The following TMTC1 variants were observed in gnomAD, a reference collection of about 807,000 sequenced individuals.
TMTC1 encodes the protein transmembrane O-mannosyltransferase targeting cadherins 1.
In TMTC1, 73 loss-of-function variants were observed where a neutral mutation model predicts 104.8. That is an observed-to-expected ratio of 0.70 (90% CI 0.58 to 0.85). The LOEUF is 0.85. Among genes scored for constraint, TMTC1 ranks in the 40% least tolerant of loss-of-function variants. The pLI, the probability that TMTC1 is intolerant of heterozygous loss-of-function variation, is 0.00. For synonymous variants in TMTC1, 434 were observed against 428.7 expected (o/e 1.01, Z -0.15); for missense variants, 1,035 against 1,096.1 (o/e 0.94, Z 0.79).
chr12:29,638,667 C>A (rs1243359107), intron 5 of TMTC1, among the ~76,000 whole-genome samples: 1 of 152,170 alleles, frequency 6.6e-6, no homozygotes. Flanking sequence ...AACACTCAAC[C>A]CTAGATGCTG....
At chr12:29,619,867 C>T (rs1191587441) in intron 6 of TMTC1, among the ~76,000 whole-genome samples, 1 of 152,164 alleles carries the variant, frequency 6.6e-6, no homozygotes, top group Non-Finnish European at 1.5e-5. Flanking sequence ...AAAACCTGCA[C>T]TTAAAAGTGT....
In TMTC1 at chr12:29,751,763, G is replaced by A; in HGVS notation, c.841C>T (p.His281Tyr). 6.2e-7 allele frequency: 1 copy of A among 1,614,124 alleles called. No individual in the cohort carries two copies. Among genetic ancestry groups the A allele is most frequent in the Non-Finnish European group, 8.5e-7 (1 of 1,180,030 alleles). The change falls in exon 5 of 18, where the codon CAC becomes TAC. Residue 281 changes from histidine to tyrosine, a missense_variant. By Grantham distance (83) the His-to-Tyr change is moderately conservative. Coordinates refer to ENST00000539277, the MANE Select transcript of TMTC1 (RefSeq NM_001193451.2). Reference protein sequence around the residue: ...RENGKQQRFPHKGAWGGCHSP... With the variant: ...RENGKQQRFPYKGAWGGCHSP... ...TGGCAGCCACCCCAAGCTCCTTTGT[G>A]AGGGAACCGCTGCTGCTTCCCATTC...
intron 10 of TMTC1, among the ~76,000 whole-genome samples, chr12:29,548,688 T>A (rs1338371691): frequency 6.6e-6 from 1 of 151,496 alleles, no homozygotes; most frequent in East Asian, 1.9e-4. Flanking sequence ...CAGTCTCAGG[T>A]ATGTCTTTAT....
At chr12:29,515,665 G>A (rs533163525) in intron 15 of TMTC1, among the ~76,000 whole-genome samples, 1 of 152,118 alleles carries the variant, frequency 6.6e-6, no homozygotes, top group African/African-American at 2.4e-5. Context: ...TGATATTCCT[G>A]GGCACAGCTA....
intron 11 of TMTC1, among the ~76,000 whole-genome samples, chr12:29,531,026 C>T (rs1200567094): frequency 2.0e-5 from 3 of 152,150 alleles, no homozygotes; most frequent in East Asian, 1.9e-4. Context: ...CTGGTGCTTT[C>T]CCTTTGCACA....
At chr12:29,530,128 G>A (rs987485198) in intron 11 of TMTC1, among the ~76,000 whole-genome samples, 2 of 152,010 alleles carry the variant, frequency 1.3e-5, no homozygotes, top group Non-Finnish European at 2.9e-5. Context: ...CTTTCTACTT[G>A]AGAAATAGAA....
At chr12:29,778,436 G>A (rs995624290) in intron 1 of TMTC1, among the ~76,000 whole-genome samples, 1 of 152,052 alleles carries the variant, frequency 6.6e-6, no homozygotes, top group East Asian at 1.9e-4. Context: ...TTCAAGGGAG[G>A]GGTTATGGAC....
intron 5 of TMTC1, among the ~76,000 whole-genome samples, chr12:29,710,202 C>T (rs376263294): frequency 6.6e-6 from 1 of 152,146 alleles, no homozygotes; most frequent in Non-Finnish European, 1.5e-5. Context: ...AACTGGCTTT[C>T]AGACTGAGCT....
chr12:29,520,307 T>G (rs1488659622), intron 12 of TMTC1, among the ~76,000 whole-genome samples: 2 of 152,182 alleles, frequency 1.3e-5, no homozygotes, highest in African/African-American at 4.8e-5. Flanking sequence ...AGAGAAACAT[T>G]TCATCATCAT....
At chr12:29,625,447 T>G (rs532189447) in intron 6 of TMTC1, among the ~76,000 whole-genome samples, 1 of 152,296 alleles carries the variant, frequency 6.6e-6, no homozygotes, top group East Asian at 1.9e-4. Flanking sequence ...AAGCTCTGTC[T>G]CCAACCTCTG....
At chr12:29,660,540 C>T (rs1591881686) in intron 5 of TMTC1, among the ~76,000 whole-genome samples, 1 of 152,140 alleles carries the variant, frequency 6.6e-6, no homozygotes, top group South Asian at 2.1e-4. Context: ...AACTCAGCCT[C>T]AGCATCTTGA....
chr12:29,632,639 TC>T (rs1044929398), intron 6 of TMTC1, among the ~76,000 whole-genome samples: 1 of 152,198 alleles, frequency 6.6e-6, no homozygotes, highest in African/African-American at 2.4e-5. Flanking sequence ...TTATAAATTA[TC>T]CAGTCTCAGG....
chr12:29,623,876 C>A (rs1937824484), intron 6 of TMTC1, among the ~76,000 whole-genome samples: 1 of 150,986 alleles, frequency 6.6e-6, no homozygotes, highest in African/African-American at 2.5e-5. Flanking sequence ...ATATGCATGT[C>A]TTACAAATCT....
chr12:29,695,828 T>TATATATATATATA (rs1243156784), intron 5 of TMTC1, among the ~76,000 whole-genome samples: 1 of 106,146 alleles, frequency 9.4e-6, no homozygotes, highest in African/African-American at 3.5e-5. Context: ...TATATATATA[T>TATATATATATATA]AACCTGTCTT....
chr12:29,730,949 G>T (rs1942530530), intron 5 of TMTC1, among the ~76,000 whole-genome samples: 1 of 152,154 alleles, frequency 6.6e-6, no homozygotes, highest in African/African-American at 2.4e-5. Context: ...AGGTTCCCTT[G>T]CAAGGATCAT....
At chr12:29,526,498 T>C (rs997681458) in intron 11 of TMTC1, among the ~76,000 whole-genome samples, 11 of 152,206 alleles carry the variant, frequency 7.2e-5, no homozygotes, top group African/African-American at 2.7e-4. Flanking sequence ...AGTGTTTTCT[T>C]GGTATTCAAT....
At chr12:29,739,638 A>C (rs1210458509) in intron 5 of TMTC1, among the ~76,000 whole-genome samples, 1 of 152,128 alleles carries the variant, frequency 6.6e-6, no homozygotes, top group Admixed American at 6.5e-5. Flanking sequence ...CTTGCAGAGA[A>C]CTGAACAGAG....
intron 7 of TMTC1, among the ~76,000 whole-genome samples, chr12:29,596,454 T>A (rs1432870977): frequency 1.3e-5 from 2 of 152,218 alleles, no homozygotes; most frequent in Non-Finnish European, 2.9e-5. Context: ...ACAGCCTTTC[T>A]CCCTCACCTT....
At chr12:29,692,816 T>C (rs1941302807) in intron 5 of TMTC1, among the ~76,000 whole-genome samples, 1 of 145,066 alleles carries the variant, frequency 6.9e-6, no homozygotes, top group African/African-American at 2.5e-5. Context: ...GCAATAAAAA[T>C]AGAAGAAAGT....
Sources: gnomAD v4.1 joint callset for allele counts (sites outside exome capture counted in the v4.1 genomes callset) on GRCh38, gnomAD v4.1.1 for gene constraint, MANE v1.5 for transcripts, NCBI Gene and HGNC (gene_info 2026-07-23, HGNC 2026-07-21) for gene names.